NRXN1: variants seen among roughly 807,000 people sequenced by gnomAD.
NRXN1 encodes the protein neurexin 1.
NRXN1 carries 39 observed loss-of-function variants against 150.9 expected under a neutral mutation model. That is an observed-to-expected ratio of 0.26 (90% CI 0.20 to 0.34). The LOEUF is 0.34. Ranked by LOEUF, NRXN1 falls within the 10% of genes least tolerant of loss-of-function variation. The pLI is 1.00. For synonymous variants in NRXN1, 924 were observed against 757.0 expected (o/e 1.22, Z -3.62); for missense variants, 1,815 against 1,949.9 (o/e 0.93, Z 1.30).
chr2:50,845,176 T>G (rs1673458803), intron 5 of NRXN1, among the ~76,000 whole-genome samples: 1 of 152,204 alleles, frequency 6.6e-6, no homozygotes, highest in African/African-American at 2.4e-5. Flanking sequence ...AAATTGCCTC[T>G]GAGAAAAGTA....
intron 5 of NRXN1, among the ~76,000 whole-genome samples, chr2:50,750,760 G>A (rs576830554): frequency 6.6e-6 from 1 of 152,106 alleles, no homozygotes; most frequent in South Asian, 2.1e-4. Flanking sequence ...AGCCGAAGTG[G>A]TTGTAGATTT....
At chr2:50,751,179 C>T (rs1414263861) in intron 5 of NRXN1, among the ~76,000 whole-genome samples, 1 of 151,948 alleles carries the variant, frequency 6.6e-6, no homozygotes, top group Non-Finnish European at 1.5e-5. Context: ...GGATTTAACA[C>T]TTTCTGTGCT....
At chr2:50,783,316 C>T (rs1039063641) in intron 5 of NRXN1, among the ~76,000 whole-genome samples, 4 of 152,132 alleles carry the variant, frequency 2.6e-5, no homozygotes, top group African/African-American at 9.7e-5. Context: ...TTCTGGTGCT[C>T]AGCCAGCATG....
chr2:50,585,785 A>G (rs1189291377), intron 8 of NRXN1, among the ~76,000 whole-genome samples: 1 of 152,144 alleles, frequency 6.6e-6, no homozygotes, highest in Non-Finnish European at 1.5e-5. Context: ...AGAGCAGTGT[A>G]CTCATTCAGA....
intron 17 of NRXN1, among the ~76,000 whole-genome samples, chr2:50,288,857 G>A (rs2072538187): frequency 2.0e-5 from 3 of 152,216 alleles, no homozygotes; most frequent in Middle Eastern, 3.4e-3. Context: ...AGAGGTGACT[G>A]TACTAACCCT....
intron 9 of NRXN1, among the ~76,000 whole-genome samples, chr2:50,543,455 T>C (rs1285048459): frequency 6.6e-6 from 1 of 152,124 alleles, no homozygotes; most frequent in Non-Finnish European, 1.5e-5. Context: ...GACATACAAC[T>C]TTTATAATTT....
At chr2:50,469,934 C>A (rs1348566707) in intron 16 of NRXN1, among the ~76,000 whole-genome samples, 1 of 151,364 alleles carries the variant, frequency 6.6e-6, no homozygotes, top group Non-Finnish European at 1.5e-5. Context: ...CAACACCAAA[C>A]ATCATTACTG....
intron 17 of NRXN1, among the ~76,000 whole-genome samples, chr2:50,329,578 AGTGT>A (rs55865684): frequency 0.048 from 1,608 of 33,768 alleles, 92 homozygotes; most frequent in South Asian, 0.1. Context: ...ATATAACAGT[AGTGT>A]GTGTGTGTGT....
intron 21 of NRXN1, among the ~76,000 whole-genome samples, chr2:49,995,133 A>C (rs984745734): frequency 6.6e-6 from 1 of 152,206 alleles, no homozygotes; most frequent in African/African-American, 2.4e-5. Context: ...GTGATTGAAG[A>C]GGGTGGCAAC....
intron 18 of NRXN1, among the ~76,000 whole-genome samples, chr2:50,182,331 T>C (rs2060785356): frequency 6.6e-6 from 1 of 152,070 alleles, no homozygotes; most frequent in South Asian, 2.1e-4. Flanking sequence ...TCAAAAAATG[T>C]ATCATTTAAT....
chr2:50,926,489 G>A (rs368319970), intron 2 of NRXN1, among the ~76,000 whole-genome samples: 39 of 151,766 alleles, frequency 2.6e-4, no homozygotes, highest in African/African-American at 1.9e-4. Context: ...GAAAAACAAC[G>A]TAACTATATG....
intron 9 of NRXN1, among the ~76,000 whole-genome samples, chr2:50,539,206 T>C (rs1163781513): frequency 1.3e-5 from 2 of 152,188 alleles, no homozygotes; most frequent in Admixed American, 6.5e-5. Flanking sequence ...CATAATAATA[T>C]TACCTACCTT....
chr2:50,950,292 T>C (rs968795139), intron 2 of NRXN1, among the ~76,000 whole-genome samples: 1 of 152,152 alleles, frequency 6.6e-6, no homozygotes, highest in Non-Finnish European at 1.5e-5. Context: ...CTTTGGAGAT[T>C]GCAATAAAAA....
intron 8 of NRXN1, chr2:50,619,668 G>T (rs920251370): frequency 7.9e-6 from 3 of 381,942 alleles, no homozygotes; most frequent in African/African-American, 6.2e-5. Flanking sequence ...AGTCATCACT[G>T]TATGCATAAC....
At chr2:50,031,322 A>T (rs1333708904) in intron 21 of NRXN1, among the ~76,000 whole-genome samples, 2 of 152,028 alleles carry the variant, frequency 1.3e-5, no homozygotes, top group Non-Finnish European at 2.9e-5. Context: ...CATCCTTCTA[A>T]TCAAGCATGA....
chr2:50,647,686 A>G (rs1685016801), intron 5 of NRXN1, among the ~76,000 whole-genome samples: 1 of 152,014 alleles, frequency 6.6e-6, no homozygotes, highest in African/African-American at 2.4e-5. Flanking sequence ...GACAAGAACA[A>G]AAATTTGTAT....
intron 15 of NRXN1, among the ~76,000 whole-genome samples, chr2:50,476,006 C>T (rs1053793026): frequency 6.6e-6 from 1 of 152,050 alleles, no homozygotes; most frequent in East Asian, 1.9e-4. Flanking sequence ...GCCAACTTTC[C>T]TGTAGATATG....
intron 21 of NRXN1, among the ~76,000 whole-genome samples, chr2:50,005,530 C>A (rs1452538676): frequency 6.6e-6 from 1 of 152,152 alleles, no homozygotes; most frequent in South Asian, 2.1e-4. Flanking sequence ...AGGCTTCATA[C>A]TGTGGAATGT....
At chr2:50,598,694 C>CTA (rs201133390) in intron 8 of NRXN1, among the ~76,000 whole-genome samples, 4,990 of 141,990 alleles carry the variant, frequency 0.035, 246 homozygotes, top group African/African-American at 0.12. Context: ...ATATACATAT[C>CTA]TATATATATA....
Sources: gnomAD v4.1 joint callset for allele counts (sites outside exome capture counted in the v4.1 genomes callset) on GRCh38, gnomAD v4.1.1 for gene constraint, MANE v1.5 for transcripts, NCBI Gene and HGNC (gene_info 2026-07-23, HGNC 2026-07-21) for gene names.